RYR2: variants seen among roughly 807,000 people sequenced by gnomAD.
The protein encoded by RYR2 is cardiac muscle ryanodine receptor-calcium release channel.
RYR2 carries 227 observed loss-of-function variants against 601.1 expected under a neutral mutation model. That is an observed-to-expected ratio of 0.38 (90% confidence interval 0.34 to 0.42). The LOEUF is 0.42. RYR2 is among the 10% of genes least tolerant of loss of function. RYR2 has a pLI of 1.00. For synonymous variants in RYR2, 2,223 were observed against 2,175.1 expected (o/e 1.02, Z -0.61); for missense variants, 4,646 against 6,156.5 (o/e 0.75, Z 8.21).
intron 24 of RYR2, among the ~76,000 whole-genome samples, chr1:237,527,969 A>G (rs1667757087): frequency 6.6e-6 from 1 of 152,172 alleles, no homozygotes. Flanking sequence ...CCCCTGGCCC[A>G]TGCTGTATAG....
intron 17 of RYR2, among the ~76,000 whole-genome samples, chr1:237,473,781 GC>G (rs1405004416): frequency 3.9e-5 from 6 of 152,036 alleles, no homozygotes; most frequent in Admixed American, 3.9e-4. Context: ...ACAGGTTGCT[GC>G]ATCTTTACTC....
intron 29 of RYR2, among the ~76,000 whole-genome samples, chr1:237,574,568 G>A (rs1281645681): frequency 6.6e-6 from 1 of 152,140 alleles, no homozygotes; most frequent in African/African-American, 2.4e-5. Context: ...GAGCCCTTAG[G>A]GATTGGGTCC....
intron 1 of RYR2, among the ~76,000 whole-genome samples, chr1:237,220,349 G>A (rs1167481988): frequency 3.3e-5 from 5 of 152,176 alleles, no homozygotes; most frequent in Non-Finnish European, 7.3e-5. Context: ...TTTGGACTCC[G>A]GGACTTTTAC....
chr1:237,595,418 T>G, intron 33 of RYR2, 80 bp from the exon 34 acceptor site: 1 of 1,515,818 alleles, frequency 6.6e-7, no homozygotes, highest in Non-Finnish European at 9.0e-7. Context: ...CGCAGCATAA[T>G]TTAGTTAGTT....
At chr1:237,629,035 T>C (rs1013752662) in intron 41 of RYR2, among the ~76,000 whole-genome samples, 5 of 152,194 alleles carry the variant, frequency 3.3e-5, no homozygotes, top group African/African-American at 1.2e-4. Flanking sequence ...CAGTCCCTCA[T>C]TGGAAGACCT....
chr1:237,073,053 G>A lies in RYR2; in HGVS notation c.48+30484G>A, dbSNP rs189850711. Among the ~76,000 whole-genome samples, 27 of 151,966 alleles carry A rather than the reference G, an allele frequency of 1.8e-4. No individual in the cohort carries two copies. In the East Asian group the frequency reaches 4.1e-3, roughly 23 times the overall value. On this transcript the variant is annotated intron_variant, in intron 1 of 104. Transcript: ENST00000366574. ...TATTTCTATCTTCGCCCCACCGCAC[G>A]CTGAACTAGACACTTAAGGACCTAG... is the stretch of plus-strand genomic sequence containing the variant.
chr1:237,812,589 T>C (rs181055372), intron 100 of RYR2, among the ~76,000 whole-genome samples: 24 of 152,306 alleles, frequency 1.6e-4, no homozygotes, highest in Admixed American at 1.5e-3. Flanking sequence ...AAATAACTTA[T>C]TAATGTCACA....
At chr1:237,547,693 A>G (rs2618663) in intron 25 of RYR2, among the ~76,000 whole-genome samples, 128,036 of 152,162 alleles carry the variant, frequency 0.84, 56,381 homozygotes, top group South Asian at 0.96. Context: ...ATATGTGTGC[A>G]TTGAAAAGTT....
intron 62 of RYR2, 49 bp from the exon 63 acceptor site, chr1:237,687,406 C>G: frequency 2.3e-6 from 1 of 434,684 alleles, no homozygotes; most frequent in Non-Finnish European, 3.9e-6. Flanking sequence ...GTCTTTTCTA[C>G]CTTCCCTTCC....
chr1:237,488,935 C>A (rs1445076480), intron 17 of RYR2, among the ~76,000 whole-genome samples: 2 of 152,086 alleles, frequency 1.3e-5, no homozygotes, highest in Non-Finnish European at 2.9e-5. Context: ...TTCAACATAT[C>A]AATTTTGGAG....
rs73099963 is a variant in RYR2, at chr1:237,678,017, G to A, written c.8831-31G>A. On this transcript the variant is annotated intron_variant, in intron 60 of 104. Transcript: ENST00000366574. ...AATATCTTGCAATGTTTCCAGTGCA[G>A]CATTTACCTAAAAACTCTTCAAATC... is the stretch of plus-strand genomic sequence containing the variant. 1.1e-3 allele frequency: 1,525 copies of A among 1,347,350 alleles called. 13 individuals are homozygous for A. The African/African-American group carries it at 0.019, about 17-fold the overall frequency. 83.5% of individuals were successfully genotyped at this position (1,347,350 alleles called of 1,614,324 possible).
At chr1:237,352,811 G>A (rs147003424) in intron 3 of RYR2, 3 of 502,142 alleles carry the variant, frequency 6.0e-6, no homozygotes, top group African/African-American at 5.8e-5. Flanking sequence ...TGACAATGCA[G>A]TGCTAATGGG....
chr1:237,081,798 C>T (rs984612585), intron 1 of RYR2, among the ~76,000 whole-genome samples: 1 of 152,102 alleles, frequency 6.6e-6, no homozygotes, highest in African/African-American at 2.4e-5. Context: ...AACCTTTACT[C>T]ATGAAAAGTC....
At chr1:237,810,191 C>T (rs790885) in intron 100 of RYR2, among the ~76,000 whole-genome samples, 28,744 of 151,798 alleles carry the variant, frequency 0.19, 3,217 homozygotes, top group East Asian at 0.5. Context: ...TAAATAAAGT[C>T]GTAAAGGCAA....
chr1:237,137,164 G>A (rs1672885470), intron 1 of RYR2, among the ~76,000 whole-genome samples: 1 of 152,048 alleles, frequency 6.6e-6, no homozygotes, highest in Non-Finnish European at 1.5e-5. Flanking sequence ...TGATTTGTGT[G>A]TATGTGTGTG....
chr1:237,295,784 T>C (rs1692709221), intron 2 of RYR2, among the ~76,000 whole-genome samples: 1 of 152,238 alleles, frequency 6.6e-6, no homozygotes, highest in African/African-American at 2.4e-5. Context: ...GTTTAGTGTA[T>C]ATTTAAAATA....
chr1:237,153,870 G>A (rs1675011669), intron 1 of RYR2, among the ~76,000 whole-genome samples: 1 of 152,054 alleles, frequency 6.6e-6, no homozygotes, highest in Non-Finnish European at 1.5e-5. Context: ...CAGGGTTTTT[G>A]TTTTGTTTTT....
At chr1:237,618,253 T>C (rs2148618779) in intron 38 of RYR2, among the ~76,000 whole-genome samples, 1 of 152,274 alleles carries the variant, frequency 6.6e-6, no homozygotes, top group East Asian at 1.9e-4. Flanking sequence ...TTAATTGTTA[T>C]AAACAGCATT....
At chr1:237,818,511 C>T (rs1662085349) in intron 100 of RYR2, among the ~76,000 whole-genome samples, 1 of 151,994 alleles carries the variant, frequency 6.6e-6, no homozygotes, top group South Asian at 2.1e-4. Context: ...CCCCAGGTCT[C>T]CTCTCTTTTG....
Sources: allele counts gnomAD v4.1 joint callset (sites outside exome capture counted in the v4.1 genomes callset), GRCh38; gene constraint gnomAD v4.1.1; transcripts MANE v1.5; gene names NCBI Gene and HGNC (gene_info 2026-07-23, HGNC 2026-07-21).